Variants in ATP10A observed in about 807,000 individuals in gnomAD.
The protein encoded by ATP10A is phospholipid-transporting ATPase VA.
ATP10A carries 111 observed loss-of-function variants against 147.8 expected under a neutral mutation model. The ratio of observed to expected loss-of-function variants is 0.75; its 90% CI spans 0.64 to 0.88. ATP10A has a LOEUF of 0.88. ATP10A is among the 40% of genes least tolerant of loss of function. The pLI, the probability that ATP10A is intolerant of heterozygous loss-of-function variation, is 0.00. For missense variants in ATP10A, 1,927 were observed against 1,959.0 expected (o/e 0.98, Z 0.31); for synonymous variants, 875 against 841.6 (o/e 1.04, Z -0.69).
In ATP10A at chr15:25,725,405, CT is replaced by C. The variant is rs1902483632; in HGVS notation, c.979+545del. On this transcript the variant is annotated intron_variant, in intron 5 of 20. Transcript: ENST00000555815. ...CACTTCATGTCAGGGACTTGAGCAT[CT>C]GAAGATTTTGTTATAGAGGGGGAGT... 5.3e-5 allele frequency among the ~76,000 whole-genome samples: 8 copies of C among 152,244 alleles called. No individual in the cohort carries two copies. The South Asian group carries it at 1.7e-3, about 32-fold the overall frequency.
chr15:25,799,476 A>AT (rs1244828581), intron 1 of ATP10A, among the ~76,000 whole-genome samples: 19 of 152,346 alleles, frequency 1.2e-4, no homozygotes, highest in African/African-American at 4.3e-4. Flanking sequence ...ATGAACCAAA[A>AT]TGGTGTTCAG....
rs976024009 is a variant in ATP10A, at chr15:25,835,735, G to A, written c.449+26913C>T. On this transcript the variant is annotated intron_variant, in intron 1 of 20. Transcript: ENST00000555815. ...GAACCCCAAACTCCCGGGCTCAAGC[G>A]GTCCTCCCACCTCAGCCTCCCAAGT... Among the ~76,000 whole-genome samples, 5 of 152,242 alleles carry A rather than the reference G, an allele frequency of 3.3e-5. No individual in the cohort carries two copies. The East Asian group carries it at 5.8e-4, about 18-fold the overall frequency.
At chr15:25,767,413 G>T (rs1889085583) in intron 2 of ATP10A, among the ~76,000 whole-genome samples, 1 of 152,194 alleles carries the variant, frequency 6.6e-6, no homozygotes, top group Admixed American at 6.5e-5. Flanking sequence ...CAGGCAGAGA[G>T]GCATGGGGTT....
At chr15:25,730,924 AC>A (rs1352094690) in intron 3 of ATP10A, among the ~76,000 whole-genome samples, 1 of 152,304 alleles carries the variant, frequency 6.6e-6, no homozygotes, top group Admixed American at 6.5e-5. Flanking sequence ...CGAAATTAAA[AC>A]ATTCCAGTTT....
intron 1 of ATP10A, among the ~76,000 whole-genome samples, chr15:25,849,423 ACT>A (rs1411352689): frequency 6.6e-6 from 1 of 152,220 alleles, no homozygotes; most frequent in African/African-American, 2.4e-5. Flanking sequence ...ATAAGCAGGA[ACT>A]GAGTTTAGAT....
chr15:25,710,730 T>C (rs567626280), intron 10 of ATP10A: 1 of 152,294 alleles, frequency 6.6e-6, no homozygotes, highest in African/African-American at 2.4e-5. Context: ...GATTACTGCA[T>C]GGTATCAATG....
At chr15:25,686,174 C>T (rs1168858215) in intron 16 of ATP10A, among the ~76,000 whole-genome samples, 1 of 152,072 alleles carries the variant, frequency 6.6e-6, no homozygotes, top group Non-Finnish European at 1.5e-5. Flanking sequence ...TATGCATTTG[C>T]TAGAAGACGC....
intron 1 of ATP10A, among the ~76,000 whole-genome samples, chr15:25,825,860 G>A (rs1159975830): frequency 2.0e-4 from 31 of 152,060 alleles, no homozygotes; most frequent in Admixed American, 2.0e-3. Flanking sequence ...TTGTCCCCAA[G>A]CAAGCTCAGA....
At chr15:25,688,921 A>G (rs1049683802) in intron 15 of ATP10A, among the ~76,000 whole-genome samples, 1 of 152,212 alleles carries the variant, frequency 6.6e-6, no homozygotes, top group Non-Finnish European at 1.5e-5. Context: ...TCTCTCAAAA[A>G]TCATTTATTA....
chr15:25,685,503 T>C (rs907278450), intron 16 of ATP10A, among the ~76,000 whole-genome samples: 1 of 152,220 alleles, frequency 6.6e-6, no homozygotes, highest in Non-Finnish European at 1.5e-5. Context: ...AGGGATCAGC[T>C]GGCTCAACTC....
chr15:25,712,568 A>G (rs1016538212), intron 10 of ATP10A, among the ~76,000 whole-genome samples: 5 of 152,208 alleles, frequency 3.3e-5, no homozygotes, highest in Non-Finnish European at 4.4e-5. Flanking sequence ...AATCACTCAG[A>G]TAATTGCCCT....
chr15:25,765,238 C>G (rs554036794), intron 2 of ATP10A, among the ~76,000 whole-genome samples: 1 of 152,252 alleles, frequency 6.6e-6, no homozygotes, highest in East Asian at 1.9e-4. Context: ...TGTTTAACAG[C>G]CAGTAGCATA....
intron 1 of ATP10A, among the ~76,000 whole-genome samples, chr15:25,836,035 G>A (rs574813858): frequency 1.3e-4 from 20 of 152,228 alleles, no homozygotes; most frequent in African/African-American, 4.3e-4. Context: ...GGATGGTCTC[G>A]ATCTCCTGAC....
At chr15:25,808,631 G>A (rs1358734037) in intron 1 of ATP10A, among the ~76,000 whole-genome samples, 2 of 152,170 alleles carry the variant, frequency 1.3e-5, no homozygotes, top group African/African-American at 2.4e-5. Flanking sequence ...TGATCCACCC[G>A]CCTCGGACTC....
chr15:25,725,181 G>C (rs1902467073), intron 5 of ATP10A, among the ~76,000 whole-genome samples: 1 of 152,124 alleles, frequency 6.6e-6, no homozygotes, highest in Non-Finnish European at 1.5e-5. Flanking sequence ...AGGGATCTAG[G>C]TTGCACGCTC....
intron 9 of ATP10A, among the ~76,000 whole-genome samples, chr15:25,715,018 A>G (rs530511346): frequency 1.8e-4 from 28 of 152,202 alleles, no homozygotes; most frequent in African/African-American, 5.3e-4. Flanking sequence ...TAAAGTTTCA[A>G]AAAGCTCAAT....
At chr15:25,689,750 C>T (rs1567302198) in intron 15 of ATP10A, among the ~76,000 whole-genome samples, 1 of 152,236 alleles carries the variant, frequency 6.6e-6, no homozygotes, top group Non-Finnish European at 1.5e-5. Flanking sequence ...CATCTCTGGG[C>T]ACCTGCCCTA....
chr15:25,743,378 C>T (rs1403968087), intron 2 of ATP10A, among the ~76,000 whole-genome samples: 1 of 152,238 alleles, frequency 6.6e-6, no homozygotes, highest in African/African-American at 2.4e-5. Flanking sequence ...GACCAAACCT[C>T]TAGTTACTGG....
chr15:25,786,580 C>A (rs1184512567), intron 1 of ATP10A, among the ~76,000 whole-genome samples: 2 of 149,638 alleles, frequency 1.3e-5, no homozygotes, highest in Non-Finnish European at 3.0e-5. Context: ...GAGCTCTAGA[C>A]GCTAAATTCC....
Sources: gnomAD v4.1 joint callset for allele counts (sites outside exome capture counted in the v4.1 genomes callset) on GRCh38, gnomAD v4.1.1 for gene constraint, MANE v1.5 for transcripts, NCBI Gene and HGNC (gene_info 2026-07-23, HGNC 2026-07-21) for gene names.